The following MYO1E variants were observed in gnomAD, a reference collection of about 807,000 sequenced individuals.
MYO1E encodes the protein myosin IE.
A neutral mutation model predicts 151.1 loss-of-function variants in MYO1E; 68 were observed. The observed-to-expected ratio is 0.45, with a 90% CI of 0.37 to 0.55. MYO1E has a LOEUF of 0.55. Ranked by LOEUF, MYO1E falls within the 20% of genes least tolerant of loss-of-function variation. MYO1E has a pLI of 0.00. For synonymous variants in MYO1E, 601 were observed against 501.7 expected (o/e 1.20, Z -2.64); for missense variants, 1,363 against 1,389.3 (o/e 0.98, Z 0.30).
At chr15:59,153,533 T>G in intron 26 of MYO1E, 57 bp downstream of exon 26, 1 of 1,572,168 alleles carries the variant, frequency 6.4e-7, no homozygotes, top group Non-Finnish European at 8.7e-7. Flanking sequence ...TGAACCCTTG[T>G]TTTGAATGAT....
At chr15:59,173,633 A>G in intron 21 of MYO1E, 113 bp downstream of exon 21, 1 of 1,369,288 alleles carries the variant, frequency 7.3e-7, no homozygotes, top group South Asian at 1.2e-5. Flanking sequence ...TTTTCTCTAA[A>G]TTTTTCTACA....
At chr15:59,282,966 A>T (rs936252656) in intron 1 of MYO1E, among the ~76,000 whole-genome samples, 1 of 7,758 alleles carries the variant, frequency 1.3e-4, no homozygotes, top group Non-Finnish European at 2.5e-4. Flanking sequence ...AGGGGAGGGG[A>T]AAGGGGAAAG....
At chr15:59,324,468 T>C (rs1399654587) in intron 1 of MYO1E, among the ~76,000 whole-genome samples, 1 of 152,134 alleles carries the variant, frequency 6.6e-6, no homozygotes, top group Non-Finnish European at 1.5e-5. Flanking sequence ...AGGCTGTCTT[T>C]GGAGTTGGGC....
chr15:59,334,905 G>A (rs189538945), intron 1 of MYO1E, among the ~76,000 whole-genome samples: 57 of 152,248 alleles, frequency 3.7e-4, no homozygotes, highest in Admixed American at 3.0e-3. Flanking sequence ...GATGTCTCAC[G>A]TACAGGTCAC....
At chr15:59,217,519 C>CTTTTTTT (rs1164320277) in intron 10 of MYO1E, among the ~76,000 whole-genome samples, 8,897 of 53,020 alleles carry the variant, frequency 0.17, 1,388 homozygotes, top group East Asian at 0.48. Context: ...GTCGTTTTAC[C>CTTTTTTT]TTTTTTTTTT....
chr15:59,371,782 G>C (rs2080946478), intron 1 of MYO1E, among the ~76,000 whole-genome samples: 2 of 152,112 alleles, frequency 1.3e-5, no homozygotes, highest in South Asian at 2.1e-4. Flanking sequence ...CTTGGCGTCC[G>C]GGGCGCGGAG....
At chr15:59,185,156 G>C (rs1369974618) in intron 18 of MYO1E, among the ~76,000 whole-genome samples, 1 of 152,108 alleles carries the variant, frequency 6.6e-6, no homozygotes, top group African/African-American at 2.4e-5. Flanking sequence ...TCCCCACAAA[G>C]TTGTTTGAGC....
chr15:59,361,371 A>G (rs1305215726), intron 1 of MYO1E, among the ~76,000 whole-genome samples: 9 of 152,260 alleles, frequency 5.9e-5, no homozygotes, highest in Admixed American at 5.9e-4. Flanking sequence ...GCTAAGATGT[A>G]TTGAACATTG....
chr15:59,314,083 C>T (rs1406577416), intron 1 of MYO1E, among the ~76,000 whole-genome samples: 1 of 152,192 alleles, frequency 6.6e-6, no homozygotes, highest in African/African-American at 2.4e-5. Flanking sequence ...CTTCCTCAAT[C>T]TCCCTGGACT....
chr15:59,208,901 A>G, intron 13 of MYO1E, 53 bp from the exon 14 acceptor site: 1 of 1,605,078 alleles, frequency 6.2e-7, no homozygotes, highest in Non-Finnish European at 8.5e-7. Flanking sequence ...CAAAACAGAC[A>G]ATGCTTATCA....
chr15:59,364,279 G>T (rs539855105), intron 1 of MYO1E, among the ~76,000 whole-genome samples: 1 of 152,160 alleles, frequency 6.6e-6, no homozygotes, highest in South Asian at 2.1e-4. Flanking sequence ...GAGCACCAAT[G>T]GTAGGTACCT....
At chr15:59,169,642 G>A (rs186848944) in intron 22 of MYO1E, among the ~76,000 whole-genome samples, 146 of 152,070 alleles carry the variant, frequency 9.6e-4, no homozygotes, top group Non-Finnish European at 1.7e-3. Flanking sequence ...AGGAAAGACC[G>A]CAAGAAAGGA....
At chr15:59,157,537 G>A (rs894200892) in intron 25 of MYO1E, among the ~76,000 whole-genome samples, 7 of 152,024 alleles carry the variant, frequency 4.6e-5, no homozygotes, top group Admixed American at 1.3e-4. Context: ...ACCCTGTCCC[G>A]CCAGGACACG....
intron 22 of MYO1E, among the ~76,000 whole-genome samples, chr15:59,170,337 T>G (rs1310019057): frequency 6.6e-6 from 1 of 152,174 alleles, no homozygotes; most frequent in Non-Finnish European, 1.5e-5. Context: ...CCTAGAGCTG[T>G]GGTTCCCTGA....
intron 1 of MYO1E, among the ~76,000 whole-genome samples, chr15:59,294,292 T>G (rs1399954386): frequency 6.6e-6 from 1 of 152,222 alleles, no homozygotes; most frequent in Non-Finnish European, 1.5e-5. Context: ...CTGGGCCAGC[T>G]GCTTCAAAGG....
Position 59,223,044 on chromosome 15 carries a change from G to A in MYO1E, c.910+15C>T. 1 of 1,613,674 alleles carries A rather than the reference G, an allele frequency of 6.2e-7. No homozygotes were observed. Among genetic ancestry groups the A allele is most frequent in the Non-Finnish European group, 8.5e-7 (1 of 1,180,012 alleles). On this transcript the variant is annotated intron_variant, in intron 9 of 27. Coordinates refer to ENST00000288235, the MANE Select transcript of MYO1E (RefSeq NM_004998.4). The stretch of plus-strand genomic sequence containing the variant: ...GCCACCCCTCATTCAATGGCCACAT[G>A]CCAGGGCTACGCACACTCTTCACTC...
chr15:59,198,011 GCCACCACAC>G (rs2079778438), intron 16 of MYO1E, among the ~76,000 whole-genome samples: 1 of 152,112 alleles, frequency 6.6e-6, no homozygotes, highest in Non-Finnish European at 1.5e-5. Context: ...GGAAGCACAT[GCCACCACAC>G]CCAGCTAATT....
intron 1 of MYO1E, among the ~76,000 whole-genome samples, chr15:59,288,066 C>A (rs781747687): frequency 6.6e-6 from 1 of 152,258 alleles, no homozygotes; most frequent in Non-Finnish European, 1.5e-5. Context: ...ACAGTTCTCA[C>A]TTTGCAAACA....
At chr15:59,234,132 T>C (rs1277704474) in intron 5 of MYO1E, among the ~76,000 whole-genome samples, 2 of 152,222 alleles carry the variant, frequency 1.3e-5, no homozygotes, top group African/African-American at 4.8e-5. Context: ...CCCTTCACTC[T>C]GCAACCTTAG....
Sources: gnomAD v4.1 joint callset for allele counts (sites outside exome capture counted in the v4.1 genomes callset) on GRCh38, gnomAD v4.1.1 for gene constraint, MANE v1.5 for transcripts, NCBI Gene and HGNC (gene_info 2026-07-23, HGNC 2026-07-21) for gene names.